The following SPATA13 variants were observed in gnomAD, a reference collection of about 807,000 sequenced individuals.
SPATA13 encodes the protein spermatogenesis-associated protein 13.
SPATA13 carries 50 observed loss-of-function variants against 104.0 expected under a neutral mutation model. That is an observed-to-expected ratio of 0.48 (90% CI 0.38 to 0.61). SPATA13 has a LOEUF of 0.61. Among genes scored for constraint, SPATA13 ranks in the 20% least tolerant of loss-of-function variants. The pLI is 0.00. For synonymous variants in SPATA13, 606 were observed against 667.5 expected (o/e 0.91, Z 1.42); for missense variants, 1,524 against 1,690.6 (o/e 0.90, Z 1.73).
chr13:24,013,966 G>A (rs1009037354), intron 2 of SPATA13, among the ~76,000 whole-genome samples: 3 of 152,128 alleles, frequency 2.0e-5, no homozygotes, highest in Admixed American at 1.3e-4. Context: ...CTGACTCGAT[G>A]TGCAAGTCTG....
In SPATA13 at chr13:24,039,059, CCACCACA is replaced by C. The variant is rs951994856; in HGVS notation, c.-112+21359_-112+21365del. ...ACGATTAAAAAAGTTATTGTTTACACCACCACAAACCAGAGTGCAGGCTTGTTAGAAA... is the reference window on the plus strand; with the variant it reads ...ACGATTAAAAAAGTTATTGTTTACACAACCAGAGTGCAGGCTTGTTAGAAA... On this transcript the variant is annotated intron_variant, in intron 3 of 14. Transcript: ENST00000424834. Among the ~76,000 whole-genome samples the C allele has an allele frequency of 4.4e-3, 670 of 152,292 alleles. 8 individuals are homozygous for C. The highest frequency in any genetic ancestry group is 0.015 in the African/African-American group (632 of 41,544).
intron 4 of SPATA13, among the ~76,000 whole-genome samples, chr13:24,276,634 A>AAAAGAAAG (rs1345431881): frequency 1.6e-5 from 1 of 61,224 alleles, no homozygotes; most frequent in African/African-American, 5.7e-5. Flanking sequence ...TTAAGATGGT[A>AAAAGAAAG]AAAGAAAGGA....
At chr13:24,244,109 T>C (rs1872988617) in intron 2 of SPATA13, among the ~76,000 whole-genome samples, 1 of 152,224 alleles carries the variant, frequency 6.6e-6, no homozygotes, top group African/African-American at 2.4e-5. Context: ...CCTTCCTTGG[T>C]GCCCTTGGCC....
intron 1 of SPATA13, among the ~76,000 whole-genome samples, chr13:24,210,766 G>GTTTTTTTT (rs58789886): frequency 2.9e-5 from 4 of 137,436 alleles, no homozygotes; most frequent in African/African-American, 5.3e-5. Context: ...GAATTTTAGG[G>GTTTTTTTT]TTTTTTTTTT....
chr13:23,998,116 C>A (rs533148033), intron 2 of SPATA13, among the ~76,000 whole-genome samples: 119 of 152,272 alleles, frequency 7.8e-4, no homozygotes, highest in Middle Eastern at 3.4e-3. Context: ...GTGATATGTA[C>A]GTTTAACTTT....
Position 24,302,701 on chromosome 13 carries a change from C to T in SPATA13, c.3762C>T (p.Gly1254=). 1 of 1,614,098 alleles carries T rather than the reference C, an allele frequency of 6.2e-7. No homozygotes were observed. Among genetic ancestry groups the T allele is most frequent in the Non-Finnish European group, 8.5e-7 (1 of 1,180,034 alleles). ...GCGTCCCCCAGCAGCAGGTCTTTGGCCTGGCGGAACCCAAGAGGAAGTCCT... is the reference window on the plus strand; with the variant it reads ...GCGTCCCCCAGCAGCAGGTCTTTGGTCTGGCGGAACCCAAGAGGAAGTCCT... ...PTSVPQQQVF[G]LAEPKRKSSL... The change falls in exon 13 of 13, where the codon GGC becomes GGT. Residue 1254 remains glycine, a synonymous_variant. Transcript: ENST00000382108.
intron 4 of SPATA13, chr13:24,270,715 G>T (rs1044791664): frequency 6.6e-7 from 1 of 1,511,414 alleles, no homozygotes; most frequent in African/African-American, 1.4e-5. Context: ...GGCCGGGAAC[G>T]CATACAACGT....
In SPATA13 at chr13:24,284,248, G is replaced by A. The variant is rs752845172; in HGVS notation, c.2278G>A (p.Gly760Arg). ...QASPRYLQPGGEQLAINELIS... is the reference protein window; with the variant it reads ...QASPRYLQPGREQLAINELIS... ...CAGCCCTCGGTACCTGCAGCCCGGCGGGGAGCAGCTGGCCATCAATGAGGT... is the reference window on the plus strand; with the variant it reads ...CAGCCCTCGGTACCTGCAGCCCGGCAGGGAGCAGCTGGCCATCAATGAGGT... Residue 760 changes from glycine to arginine, a missense_variant, in exon 5 of 13, where the codon GGG (glycine) becomes AGG (arginine). Gly to Arg is a moderately radical substitution (Grantham distance 125). This residue lies in a region of SPATA13 where 1,089 missense variants were observed against 1,135.9 expected (regional missense o/e 0.96). Coordinates refer to ENST00000382108, the MANE Select transcript of SPATA13 (RefSeq NM_001166271.3). 4.3e-6 allele frequency: 7 copies of A among 1,613,412 alleles called. No homozygotes were observed. The highest frequency in any genetic ancestry group is 4.5e-5 in the East Asian group (2 of 44,880).
chr13:24,031,828 C>G (rs1877494561), intron 3 of SPATA13, among the ~76,000 whole-genome samples: 1 of 152,186 alleles, frequency 6.6e-6, no homozygotes, highest in African/African-American at 2.4e-5. Flanking sequence ...CTACTCTGGA[C>G]ACCCTCTGGA....
chr13:24,102,758 G>T (rs1214326902), intron 3 of SPATA13, among the ~76,000 whole-genome samples: 1 of 152,194 alleles, frequency 6.6e-6, no homozygotes, highest in Non-Finnish European at 1.5e-5. Context: ...ACAGGCATGA[G>T]CCACCACGCC....
chr13:24,080,443 C>T lies in SPATA13; in HGVS notation c.-112+62742C>T, dbSNP rs141571204. Among the ~76,000 whole-genome samples the T allele has an allele frequency of 3.5e-4, 54 of 152,336 alleles. No homozygotes were observed. The East Asian group carries it at 6.6e-3, about 18-fold the overall frequency. On this transcript the variant is annotated intron_variant, in intron 3 of 14. Coordinates refer to the SPATA13 transcript ENST00000424834. ...CTTGACACCATCACATGCATCATCA[C>T]TCAAAATGAATAAAACACTCAAAAG...
At chr13:24,255,429 A>T (rs2138670661) in intron 4 of SPATA13, among the ~76,000 whole-genome samples, 1 of 151,798 alleles carries the variant, frequency 6.6e-6, no homozygotes, top group South Asian at 2.1e-4. Flanking sequence ...TTGTGGAATC[A>T]CTCATCTGTT....
intron 2 of SPATA13, among the ~76,000 whole-genome samples, chr13:24,245,321 A>G (rs1566170101): frequency 6.6e-6 from 1 of 152,160 alleles, no homozygotes; most frequent in Non-Finnish European, 1.5e-5. Context: ...ATATCCATCA[A>G]AGTTCAAATT....
At chr13:24,244,820 A>G (rs1239012515) in intron 2 of SPATA13, among the ~76,000 whole-genome samples, 1 of 152,250 alleles carries the variant, frequency 6.6e-6, no homozygotes, top group African/African-American at 2.4e-5. Flanking sequence ...CTGTGATTGT[A>G]CCACTGCCTG....
chr13:24,132,469 G>C (rs1881417866), intron 3 of SPATA13, among the ~76,000 whole-genome samples: 1 of 152,230 alleles, frequency 6.6e-6, no homozygotes, highest in South Asian at 2.1e-4. Context: ...TTATGAGTGT[G>C]TGACTTAGGC....
chr13:24,208,909 G>A (rs1870860830), intron 1 of SPATA13, among the ~76,000 whole-genome samples: 1 of 152,196 alleles, frequency 6.6e-6, no homozygotes, highest in South Asian at 2.1e-4. Context: ...GGATATTGGT[G>A]TTTTCCTTTA....
chr13:24,042,188 CA>C (rs1255592420), intron 3 of SPATA13, among the ~76,000 whole-genome samples: 1 of 152,142 alleles, frequency 6.6e-6, no homozygotes, highest in African/African-American at 2.4e-5. Context: ...AGAGAGAAAG[CA>C]GGGTCCAGAA....
At chr13:24,245,889 C>T (rs1873107975) in intron 2 of SPATA13, among the ~76,000 whole-genome samples, 1 of 152,190 alleles carries the variant, frequency 6.6e-6, no homozygotes, top group Non-Finnish European at 1.5e-5. Flanking sequence ...GTGCTCCGGC[C>T]AACAGTTGGT....
intron 2 of SPATA13, among the ~76,000 whole-genome samples, chr13:24,232,270 G>A (rs1054141439): frequency 1.3e-5 from 2 of 152,240 alleles, no homozygotes; most frequent in Admixed American, 6.5e-5. Flanking sequence ...GAAGGTGGAT[G>A]TCTGCCAGGA....
Sources: gnomAD v4.1 joint callset for allele counts (sites outside exome capture counted in the v4.1 genomes callset) on GRCh38, gnomAD v4.1.1 for gene constraint, gnomAD v4.1.1 regional missense constraint, MANE v1.5 for transcripts, NCBI Gene and HGNC (gene_info 2026-07-23, HGNC 2026-07-21) for gene names.